The following RAB3GAP2 variants were observed in gnomAD, a reference collection of about 807,000 sequenced individuals.
RAB3GAP2 encodes the protein rab3 GTPase-activating protein non-catalytic subunit.
RAB3GAP2 carries 87 observed loss-of-function variants against 185.3 expected under a neutral mutation model. That is an observed-to-expected ratio of 0.47 (90% CI 0.39 to 0.56). The LOEUF is 0.56. Among genes scored for constraint, RAB3GAP2 ranks in the 20% least tolerant of loss-of-function variants. The probability of loss-of-function intolerance (pLI) is 0.00; values close to 1 mark genes in which losing one functional copy is unlikely to be tolerated. For missense variants in RAB3GAP2, 1,492 were observed against 1,638.2 expected, an observed-to-expected ratio of 0.91 and a Z score of 1.54; for synonymous variants, 554 against 576.1, an observed-to-expected ratio of 0.96 and a Z score of 0.55.
At chr1:220,245,257 C>T (rs951312592) in intron 1 of RAB3GAP2, among the ~76,000 whole-genome samples, 8 of 152,312 alleles carry the variant, frequency 5.3e-5, no homozygotes, top group Admixed American at 1.3e-4. Context: ...TCTGAGGTAC[C>T]GGGTTCATCT....
intron 8 of RAB3GAP2, among the ~76,000 whole-genome samples, chr1:220,202,823 G>T (rs2102876013): frequency 6.6e-6 from 1 of 152,210 alleles, no homozygotes; most frequent in East Asian, 1.9e-4. Context: ...CATGCCTGCA[G>T]TACCAGCTAC....
intron 1 of RAB3GAP2, among the ~76,000 whole-genome samples, chr1:220,260,563 T>C (rs752200088): frequency 6.7e-5 from 10 of 149,724 alleles, no homozygotes; most frequent in Non-Finnish European, 1.2e-4. Flanking sequence ...CATGGACACA[T>C]AGGGGAGGAC....
At chr1:220,235,928 C>T (rs1659582944) in intron 1 of RAB3GAP2, among the ~76,000 whole-genome samples, 1 of 151,988 alleles carries the variant, frequency 6.6e-6, no homozygotes, top group African/African-American at 2.4e-5. Context: ...CTTCTTTCAA[C>T]AAAAAGGAAA....
intron 8 of RAB3GAP2, among the ~76,000 whole-genome samples, chr1:220,203,398 G>T (rs1658900796): frequency 6.6e-6 from 1 of 152,134 alleles, no homozygotes; most frequent in Non-Finnish European, 1.5e-5. Context: ...TCTAAATATT[G>T]CAGATTGACA....
rs770733286 is a variant in RAB3GAP2, at chr1:220,190,087, A to G, written c.1691T>C (p.Leu564Pro). 1.3e-5 allele frequency: 21 copies of G among 1,613,196 alleles called. No individual in the cohort carries two copies. Among genetic ancestry groups the G allele is most frequent in the Non-Finnish European group, 1.6e-5 (19 of 1,179,230 alleles). The change falls in exon 16 of 35, where the codon CTG becomes CCG. Residue 564 changes from leucine (L) to proline (P), a missense_variant. Physicochemically the swap from Leu to Pro is moderately conservative, Grantham distance 98. Transcript: ENST00000358951. The stretch of plus-strand genomic sequence containing the variant: ...ACCAAGATTGGGAGATTTTGTTTTC[A>G]GTAAGGCTGCTAGTTTCTTCACTAG... ...MHLVKKLAAL[L>P]KTKSPNLDLV...
intron 1 of RAB3GAP2, among the ~76,000 whole-genome samples, chr1:220,240,067 T>G (rs1217869939): frequency 6.6e-6 from 1 of 151,032 alleles, no homozygotes; most frequent in East Asian, 1.9e-4. Flanking sequence ...TTGCCAACAG[T>G]GACTAAAACA....
In RAB3GAP2 at chr1:220,212,957, A is replaced by G. The variant is rs763482744; in HGVS notation, c.316T>C (p.Tyr106His). The G allele has an allele frequency of 6.2e-7, 1 of 1,610,640 alleles. No individual in the cohort carries two copies. The highest frequency in any genetic ancestry group is 8.5e-7 in the Non-Finnish European group (1 of 1,177,414). Reference protein sequence around the residue: ...KAVFLVPKWKYSDKGKEEMQF... With the variant: ...KAVFLVPKWKHSDKGKEEMQF... ...ATTTCTTCCTTTCCTTTATCACTAT[A>G]TTTCCATTTTGCTGTAAGAATTAAG... Residue 106 changes from tyrosine (Y) to histidine (H), a missense_variant, in exon 4 of 35, where the codon TAT (tyrosine) becomes CAT (histidine). Transcript: ENST00000358951.
intron 1 of RAB3GAP2, 23 bp downstream of exon 1, chr1:220,272,200 G>T: frequency 6.4e-7 from 1 of 1,570,020 alleles, no homozygotes; most frequent in Non-Finnish European, 8.7e-7. Context: ...GGGAAGGAAG[G>T]GCGAGGCCAG....
chr1:220,171,806 C>T (rs1217407457), intron 23 of RAB3GAP2, 83 bp downstream of exon 23: 3 of 1,551,970 alleles, frequency 1.9e-6, no homozygotes, highest in African/African-American at 1.4e-5. Flanking sequence ...TCCAAAAAAC[C>T]CCCCGAAAAA....
intron 26 of RAB3GAP2, 99 bp from the exon 27 acceptor site, chr1:220,164,898 A>AACC (rs1219836482): frequency 2.6e-6 from 3 of 1,152,972 alleles, no homozygotes. Context: ...TTCTGCATAA[A>AACC]ACCACCTAAG....
Position 220,170,828 on chromosome 1 carries a change from T to A in RAB3GAP2, c.2806+64A>T, listed in dbSNP as rs533829329. 2.2e-6 allele frequency: 3 copies of A among 1,345,570 alleles called. No homozygotes were observed. The African/African-American group carries it at 4.3e-5, about 19-fold the overall frequency. 83.4% of individuals were successfully genotyped at this position (1,345,570 alleles called of 1,614,324 possible). On this transcript the variant is annotated intron_variant, in intron 24 of 34. Transcript: ENST00000358951. ...CTTTCTCTATTCTTTCCGTCATTTCTATTAAAAGAAACCCTCGTAACATAA... is the reference window on the plus strand; with the variant it reads ...CTTTCTCTATTCTTTCCGTCATTTCAATTAAAAGAAACCCTCGTAACATAA...
At chr1:220,155,355 T>C (rs1191624133) in intron 31 of RAB3GAP2, among the ~76,000 whole-genome samples, 1 of 152,214 alleles carries the variant, frequency 6.6e-6, no homozygotes, top group Non-Finnish European at 1.5e-5. Flanking sequence ...CTGTTGTGAC[T>C]GCCAAGTAGA....
Position 220,203,632 on chromosome 1 carries a change from T to G in RAB3GAP2, c.713-1258A>C, listed in dbSNP as rs555276571. 2.0e-5 allele frequency among the ~76,000 whole-genome samples: 3 copies of G among 152,308 alleles called. No homozygotes were observed. In the South Asian group the frequency reaches 6.2e-4, roughly 32 times the overall value. On this transcript the variant is annotated intron_variant, in intron 8 of 34. Transcript: ENST00000358951. ...ATTGCTGATGATACCAATTATAAAA[T>G]TATTGTCTATTTCTAGTTTATTAAT...
At chr1:220,205,041 C>A (rs1249650792) in intron 8 of RAB3GAP2, among the ~76,000 whole-genome samples, 1 of 151,866 alleles carries the variant, frequency 6.6e-6, no homozygotes, top group African/African-American at 2.4e-5. Flanking sequence ...ATTGTATTTT[C>A]ACTGATTTTA....
At chr1:220,233,996 C>T (rs942947630) in intron 1 of RAB3GAP2, among the ~76,000 whole-genome samples, 3 of 152,212 alleles carry the variant, frequency 2.0e-5, no homozygotes, top group Non-Finnish European at 4.4e-5. Context: ...TCACCACGCC[C>T]GGCCTTGAGG....
At chr1:220,272,074 G>A (rs537278951) in intron 1 of RAB3GAP2, 149 bp downstream of exon 1, 2 of 725,464 alleles carry the variant, frequency 2.8e-6, no homozygotes, top group Admixed American at 4.1e-5. Context: ...GGTGGGCAGG[G>A]TGTCATCCCG....
chr1:220,151,116 A>G lies in RAB3GAP2; in HGVS notation c.*135T>C. ...GGGTTGCACTTTTTAAAAGTTGTAT[A>G]TACTTTTATTTATTTTACAAAAGGA... On this transcript the variant is annotated 3_prime_UTR_variant, in exon 35 of 35. Transcript: ENST00000358951. 1.1e-6 allele frequency: 1 copy of G among 904,884 alleles called. No individual in the cohort carries two copies. The highest frequency in any genetic ancestry group is 1.7e-6 in the Non-Finnish European group (1 of 604,444). 56.1% of individuals were successfully genotyped at this position (904,884 alleles called of 1,614,324 possible).
In RAB3GAP2 at chr1:220,232,807, G is replaced by A. The variant is rs1243139709; in HGVS notation, c.172C>T (p.Gln58Ter). 2 of 1,613,158 alleles carry A rather than the reference G, an allele frequency of 1.2e-6. No homozygotes were observed. The highest frequency in any genetic ancestry group is 1.7e-6 in the Non-Finnish European group (2 of 1,179,180). The change falls in exon 2 of 35, where the codon CAA becomes TAA. Residue 58 changes from glutamine to a stop codon, truncating the protein, a stop_gained. Transcript: ENST00000358951. LOFTEE classifies it high-confidence loss of function. ...GWGAWEENEP[Q>*]EPEEEGNTCK... ...TATTTGTAAAGACTTACAGGTTCTT[G>A]TGGTTCATTTTCTTCCCATGCTCCC...
chr1:220,153,498 T>TA, intron 32 of RAB3GAP2, 92 bp from the exon 33 acceptor site: 1 of 1,161,732 alleles, frequency 8.6e-7, no homozygotes, highest in Non-Finnish European at 1.3e-6. Context: ...CTGTCACTTA[T>TA]AGTGGCTTTT....
Sources: allele counts gnomAD v4.1 joint callset (sites outside exome capture counted in the v4.1 genomes callset), GRCh38; gene constraint gnomAD v4.1.1; transcripts MANE v1.5; gene names NCBI Gene and HGNC (gene_info 2026-07-23, HGNC 2026-07-21).